IFTAP: variants seen among roughly 807,000 people sequenced by gnomAD.
IFTAP encodes the protein intraflagellar transport-associated protein.
In IFTAP, 19 loss-of-function variants were observed where a neutral mutation model predicts 19.4. The observed-to-expected ratio is 0.98, with a 90% confidence interval of 0.68 to 1.44. The LOEUF (loss-of-function observed/expected upper bound fraction) is 1.44. IFTAP is among the 40% of genes most tolerant of loss of function. The pLI is 0.00. For missense variants in IFTAP, 240 were observed against 253.6 expected (o/e 0.95, Z 0.36); for synonymous variants, 85 against 83.5 (o/e 1.02, Z -0.10).
intron 1 of IFTAP, among the ~76,000 whole-genome samples, chr11:36,605,222 A>G (rs1187277984): frequency 1.3e-5 from 2 of 151,960 alleles, no homozygotes; most frequent in African/African-American, 4.8e-5. Flanking sequence ...TACCATTTTG[A>G]GTAAGTGGGC....
At position 36,594,536 on chromosome 11, in the gene IFTAP, T is replaced by C. The variant is rs934947896; in HGVS notation, c.-80T>C. The C allele has an allele frequency of 1.1e-5, 3 of 278,616 alleles. No individual in the cohort carries two copies. The highest frequency in any genetic ancestry group is 6.6e-5 in the African/African-American group (3 of 45,620). The allele number at this position is 278,616 out of a possible 1,614,324, so 17.3% of individuals were successfully genotyped here. ...ATGTGTAGCTTTGGAAATCTGTCTT[T>C]GTTGCTCTGGGAGAGGGGACTCCTG... On this transcript the variant is annotated 5_prime_UTR_variant, in exon 1 of 6. Coordinates refer to ENST00000334307, the MANE Select transcript of IFTAP (RefSeq NM_138787.4).
chr11:36,654,263 A>G (rs922733836), intron 5 of IFTAP, among the ~76,000 whole-genome samples: 5 of 152,128 alleles, frequency 3.3e-5, no homozygotes, highest in Admixed American at 1.3e-4. Context: ...GACACCATTG[A>G]CCTTCCTCTG....
intron 1 of IFTAP, chr11:36,598,088 G>A (rs1590726019): frequency 6.6e-6 from 1 of 151,980 alleles, no homozygotes; most frequent in South Asian, 2.1e-4. Context: ...TAGAAATGAA[G>A]GTATCAGACC....
intron 2 of IFTAP, among the ~76,000 whole-genome samples, chr11:36,626,978 G>T (rs909610793): frequency 6.6e-6 from 1 of 151,156 alleles, no homozygotes. Context: ...AAAATAAAAT[G>T]TGGTACTATT....
At chr11:36,656,655 G>A (rs1470752420) in intron 5 of IFTAP, among the ~76,000 whole-genome samples, 1 of 151,978 alleles carries the variant, frequency 6.6e-6, no homozygotes, top group Non-Finnish European at 1.5e-5. Context: ...CTATTGGAGA[G>A]CAAAGCACGT....
chr11:36,624,806 G>T (rs1453439532), intron 2 of IFTAP, among the ~76,000 whole-genome samples: 1 of 152,066 alleles, frequency 6.6e-6, no homozygotes, highest in Non-Finnish European at 1.5e-5. Flanking sequence ...AGAGCAGAAA[G>T]ATAGAAGCCT....
At chr11:36,601,900 T>C (rs1851522758) in intron 1 of IFTAP, among the ~76,000 whole-genome samples, 1 of 152,178 alleles carries the variant, frequency 6.6e-6, no homozygotes, top group South Asian at 2.1e-4. Context: ...TGATCCCCCA[T>C]GTTGTCCTTC....
intron 4 of IFTAP, among the ~76,000 whole-genome samples, chr11:36,644,850 TG>T (rs1342547370): frequency 1.4e-5 from 1 of 69,122 alleles, no homozygotes; most frequent in Non-Finnish European, 2.7e-5. Flanking sequence ...GGGTCTGTCG[TG>T]GGGTGGGGGG....
intron 4 of IFTAP, among the ~76,000 whole-genome samples, chr11:36,640,524 G>A (rs916327366): frequency 2.6e-5 from 4 of 152,108 alleles, no homozygotes; most frequent in African/African-American, 9.7e-5. Context: ...GTGCTGAACT[G>A]GTTTATTTTT....
intron 4 of IFTAP, among the ~76,000 whole-genome samples, chr11:36,646,957 G>C (rs979642715): frequency 6.6e-6 from 1 of 152,106 alleles, no homozygotes; most frequent in Non-Finnish European, 1.5e-5. Flanking sequence ...CAGGCTGTCT[G>C]TGTTCTCTGT....
In IFTAP at chr11:36,633,387, T is replaced by C; in HGVS notation, c.240T>C (p.Leu80=). 1.2e-6 allele frequency: 2 copies of C among 1,604,582 alleles called. No individual in the cohort carries two copies. The highest frequency in any genetic ancestry group is 1.3e-5 in the African/African-American group (1 of 74,714). Reference sequence around the variant, plus strand: ...AAAATGAAGCAGATGACTACCATCTTAGAAATAAAACCATCTTTCTTCGTA... The same window carrying C: ...AAAATGAAGCAGATGACTACCATCTCAGAAATAAAACCATCTTTCTTCGTA... ...THKNEADDYH[L]RNKTIFLRTS... Residue 80 remains leucine (L), a synonymous_variant, in exon 3 of 6, where the codon CTT becomes CTC. Transcript: ENST00000334307.
At chr11:36,624,628 C>T (rs1852437970) in intron 2 of IFTAP, among the ~76,000 whole-genome samples, 1 of 152,160 alleles carries the variant, frequency 6.6e-6, no homozygotes, top group African/African-American at 2.4e-5. Flanking sequence ...TTGAGCTGCT[C>T]CATTTTTTGT....
intron 5 of IFTAP, among the ~76,000 whole-genome samples, chr11:36,651,956 C>G (rs1413507014): frequency 6.6e-6 from 1 of 152,114 alleles, no homozygotes; most frequent in Admixed American, 6.6e-5. Flanking sequence ...GTTACTGTAG[C>G]CTTGTAGTAT....
In IFTAP at chr11:36,633,419, C is replaced by A; in HGVS notation, c.272C>A (p.Ser91Ter). 2 of 1,594,504 alleles carry A rather than the reference C, an allele frequency of 1.3e-6. No individual in the cohort carries two copies. The highest frequency in any genetic ancestry group is 1.7e-6 in the Non-Finnish European group (2 of 1,171,512). Residue 91 changes from serine (S) to a stop codon, truncating the protein, a stop_gained, in exon 3 of 6, where the codon TCA (serine) becomes TAA (stop). Coordinates refer to ENST00000334307, the MANE Select transcript of IFTAP (RefSeq NM_138787.4). LOFTEE classifies it high-confidence loss of function. The part of the protein sequence containing the change: ...RNKTIFLRTS[S>*]QCLEEQVDNF... ...AAAACCATCTTTCTTCGTACTTCAT[C>A]ACAATGTTTGGAAGAACAGGTAATA... is the stretch of plus-strand genomic sequence containing the variant.
intron 1 of IFTAP, among the ~76,000 whole-genome samples, chr11:36,598,939 GA>G (rs879505177): frequency 2.0e-5 from 3 of 152,146 alleles, no homozygotes; most frequent in Non-Finnish European, 4.4e-5. Flanking sequence ...TTCAGCCAAG[GA>G]AGAGTTTAAT....
At chr11:36,650,569 T>A (rs1428650675) in intron 5 of IFTAP, among the ~76,000 whole-genome samples, 3 of 146,248 alleles carry the variant, frequency 2.1e-5, no homozygotes, top group African/African-American at 7.6e-5. Flanking sequence ...AAAAAAAAAA[T>A]ATATTTTTAT....
At position 36,632,119 on chromosome 11, in the gene IFTAP, TTC is replaced by T. The variant is rs1852752261; in HGVS notation, c.137-1157_137-1156del. Reference sequence around the variant, plus strand: ...TCTGTATAGCCTTGAGCAAGTTACTTTCTCTCTCTGTAGGCCTTGGTTCTTTA... The same window carrying T: ...TCTGTATAGCCTTGAGCAAGTTACTTTCTCTCTGTAGGCCTTGGTTCTTTA... On this transcript the variant is annotated intron_variant, in intron 2 of 5. Coordinates refer to ENST00000334307, the MANE Select transcript of IFTAP (RefSeq NM_138787.4). 2.6e-5 allele frequency among the ~76,000 whole-genome samples: 4 copies of T among 151,116 alleles called. No individual in the cohort carries two copies. The South Asian group carries it at 8.3e-4, about 31-fold the overall frequency.
chr11:36,624,387 A>T (rs1852428761), intron 2 of IFTAP, among the ~76,000 whole-genome samples: 1 of 152,192 alleles, frequency 6.6e-6, no homozygotes, highest in African/African-American at 2.4e-5. Flanking sequence ...GGGCACTGGT[A>T]TGTGCAACTT....
chr11:36,624,100 T>C (rs993217121), intron 2 of IFTAP, among the ~76,000 whole-genome samples: 2 of 152,230 alleles, frequency 1.3e-5, no homozygotes, highest in African/African-American at 2.4e-5. Context: ...ATTAGAAACT[T>C]CGTTGGAAGA....
Sources: gnomAD v4.1 joint callset for allele counts (sites outside exome capture counted in the v4.1 genomes callset) on GRCh38, gnomAD v4.1.1 for gene constraint, MANE v1.5 for transcripts, NCBI Gene and HGNC (gene_info 2026-07-23, HGNC 2026-07-21) for gene names.